PAM: variants seen among roughly 807,000 people sequenced by gnomAD.
PAM encodes the protein peptidylglycine alpha-amidating monooxygenase.
PAM carries 72 observed loss-of-function variants against 122.1 expected under a neutral mutation model. That is an observed-to-expected ratio of 0.59 (90% confidence interval 0.49 to 0.72). The LOEUF (loss-of-function observed/expected upper bound fraction) is 0.72, where lower values mean the gene tolerates loss of function less well. Ranked by LOEUF, PAM falls within the 30% of genes least tolerant of loss-of-function variation. PAM has a pLI of 0.00. For missense variants in PAM, 1,106 were observed against 1,183.7 expected (o/e 0.93, Z 0.96); for synonymous variants, 389 against 404.4 (o/e 0.96, Z 0.46).
At chr5:102,806,028 T>A (rs1766129883) in intron 1 of PAM, among the ~76,000 whole-genome samples, 1 of 152,234 alleles carries the variant, frequency 6.6e-6, no homozygotes, top group Non-Finnish European at 1.5e-5. Context: ...TTTTCGGATG[T>A]GCTCTTTTTG....
chr5:102,990,433 G>T, intron 16 of PAM, 32 bp downstream of exon 16: 1 of 1,521,002 alleles, frequency 6.6e-7, no homozygotes, highest in South Asian at 1.2e-5. Flanking sequence ...ATAAGCAAAT[G>T]AAAATAAAAA....
In PAM at chr5:102,949,947, T is replaced by C. The variant is rs1256536395; in HGVS notation, c.770T>C (p.Leu257Pro). The C allele has an allele frequency of 4.4e-6, 7 of 1,593,918 alleles. No homozygotes were observed. The highest frequency in any genetic ancestry group is 2.2e-5 in the South Asian group (2 of 90,364). The change falls in exon 11 of 26, where the codon CTG (leucine) becomes CCG (proline). Residue 257 changes from leucine (L) to proline (P), a missense_variant. Around this residue, in one of 3 missense-constraint regions of PAM, gnomAD observed 670 missense variants for 690.3 expected, o/e 0.97. Transcript: ENST00000438793. ...AGAGTAAGAAATGGACAGTGGACAC[T>C]GATTGGACGGCAGAGCCCTCAGCTG... ...GYRVRNGQWT[L>P]IGRQSPQLPQ...
At chr5:102,974,037 T>G (rs1047531925) in intron 14 of PAM, 79 bp from the exon 15 acceptor site, 2 of 911,488 alleles carry the variant, frequency 2.2e-6, no homozygotes, top group Non-Finnish European at 3.4e-6. Flanking sequence ...TGAGTAGATA[T>G]TTTTTAAAGC....
chr5:103,001,589 A>G (rs1436530390), intron 16 of PAM, among the ~76,000 whole-genome samples: 2 of 152,192 alleles, frequency 1.3e-5, no homozygotes, highest in African/African-American at 4.8e-5. Context: ...TGCATCATTA[A>G]TAAGAACTAC....
intron 20 of PAM, among the ~76,000 whole-genome samples, chr5:103,009,500 A>G (rs549182526): frequency 6.6e-6 from 1 of 152,090 alleles, no homozygotes; most frequent in Non-Finnish European, 1.5e-5. Flanking sequence ...TCTGATTTCT[A>G]CTGGTTTTCC....
At chr5:102,959,723 CTG>C (rs1055239417) in intron 12 of PAM, 150 bp from the exon 13 acceptor site, 8 of 591,082 alleles carry the variant, frequency 1.4e-5, no homozygotes, top group African/African-American at 3.7e-5. Context: ...ATGTTGAAAA[CTG>C]TGATGGGTTT....
rs146853250 is a variant in PAM at position 102,800,887 on chromosome 5, C to G, written c.-374+45539C>G. 1.0e-3 allele frequency among the ~76,000 whole-genome samples: 152 copies of G among 152,182 alleles called. 2 individuals are homozygous for G. The highest frequency in any genetic ancestry group is 7.5e-3 in the South Asian group (36 of 4,820). ...TTACAGGAATGCATGAAATCCCCTA[C>G]TGCTTGGGAAAAAACAATGAAACAT... On this transcript the variant is annotated intron_variant, in intron 1 of 25. Transcript: ENST00000438793.
In PAM at chr5:103,029,007, G is replaced by A. The variant is rs1785819109; in HGVS notation, c.2864G>A (p.Ser955Asn). 6.2e-7 allele frequency: 1 copy of A among 1,613,920 alleles called. No individual in the cohort carries two copies. The highest frequency in any genetic ancestry group is 2.2e-5 in the East Asian group (1 of 44,852). Reference protein sequence around the residue: ...GSDQEKEDDGSESEEEYSAPL... With the variant: ...GSDQEKEDDGNESEEEYSAPL... ...GACCAAGAGAAAGAGGATGATGGAA[G>A]TGAATCAGAAGAGGAGTATTCAGCA... Residue 955 changes from serine (S) to asparagine (N), a missense_variant, in exon 26 of 26, where the codon AGT (serine) becomes AAT (asparagine). By Grantham distance (46) the Ser-to-Asn change is conservative. Coordinates refer to ENST00000438793, the MANE Select transcript of PAM (RefSeq NM_001177306.2).
intron 3 of PAM, among the ~76,000 whole-genome samples, chr5:102,884,893 T>C (rs1184287505): frequency 6.6e-6 from 1 of 151,786 alleles, no homozygotes; most frequent in East Asian, 1.9e-4. Context: ...TATATAAAAA[T>C]AGCAAGTACA....
At chr5:102,931,941 A>G (rs1403567356) in intron 7 of PAM, among the ~76,000 whole-genome samples, 1 of 152,040 alleles carries the variant, frequency 6.6e-6, no homozygotes, top group Admixed American at 6.5e-5. Context: ...TGCTTTCCTT[A>G]GAGTGGGTGT....
intron 1 of PAM, among the ~76,000 whole-genome samples, chr5:102,765,306 A>T (rs889690998): frequency 6.6e-6 from 1 of 152,246 alleles, no homozygotes; most frequent in African/African-American, 2.4e-5. Flanking sequence ...TCTTGTCAAT[A>T]AGATGAAGAT....
At chr5:102,823,500 A>G (rs536169069) in intron 1 of PAM, among the ~76,000 whole-genome samples, 3 of 152,352 alleles carry the variant, frequency 2.0e-5, no homozygotes, top group African/African-American at 7.2e-5. Flanking sequence ...ATTAGACATG[A>G]AAGACTGAAT....
intron 3 of PAM, among the ~76,000 whole-genome samples, chr5:102,869,374 CAG>C (rs1786635201): frequency 6.7e-6 from 1 of 149,806 alleles, no homozygotes; most frequent in African/African-American, 2.5e-5. Flanking sequence ...GAGGGCAATG[CAG>C]AGAGATTGAA....
intron 1 of PAM, among the ~76,000 whole-genome samples, chr5:102,808,811 A>C (rs1376855876): frequency 6.6e-6 from 1 of 152,204 alleles, no homozygotes; most frequent in Non-Finnish European, 1.5e-5. Context: ...GTTATGCCAC[A>C]CTTTTATAGC....
chr5:102,897,576 C>T (rs541714287), intron 3 of PAM, among the ~76,000 whole-genome samples: 3 of 151,518 alleles, frequency 2.0e-5, no homozygotes, highest in Non-Finnish European at 1.5e-5. Flanking sequence ...CCATACTATA[C>T]ACAATATAAT....
chr5:102,782,863 T>C (rs1047226523), intron 1 of PAM, among the ~76,000 whole-genome samples: 2 of 152,022 alleles, frequency 1.3e-5, no homozygotes, highest in African/African-American at 4.8e-5. Flanking sequence ...AAATCTGCCT[T>C]TTCAAAGTTT....
chr5:102,903,777 A>AATT (rs1798719867), intron 4 of PAM, among the ~76,000 whole-genome samples: 1 of 151,600 alleles, frequency 6.6e-6, no homozygotes, highest in African/African-American at 2.4e-5. Context: ...GTGTGGGGAT[A>AATT]GTGATACAAA....
At chr5:102,926,799 G>A in intron 7 of PAM, 131 bp downstream of exon 7, 1 of 562,264 alleles carries the variant, frequency 1.8e-6, no homozygotes, top group Non-Finnish European at 3.1e-6. Flanking sequence ...AACAGCTTTT[G>A]TTTCCTTTAA....
intron 16 of PAM, 54 bp downstream of exon 16, chr5:102,990,455 A>G: frequency 7.4e-7 from 1 of 1,344,782 alleles, no homozygotes; most frequent in Non-Finnish European, 1.0e-6. Context: ...AGTGTACATA[A>G]TTTTTTCACT....
Sources: gnomAD v4.1 joint callset for allele counts (sites outside exome capture counted in the v4.1 genomes callset) on GRCh38, gnomAD v4.1.1 for gene constraint, gnomAD v4.1.1 regional missense constraint, MANE v1.5 for transcripts, NCBI Gene and HGNC (gene_info 2026-07-23, HGNC 2026-07-21) for gene names.